The following ZNF91 variants were observed in gnomAD, a reference collection of about 807,000 sequenced individuals.
The protein encoded by ZNF91 is zinc finger protein 91, also known as zinc finger protein 91 (HPF7, HTF10).
A neutral mutation model predicts 12.6 loss-of-function variants in ZNF91; 7 were observed. The ratio of observed to expected loss-of-function variants is 0.55; its 90% CI spans 0.31 to 1.04. The LOEUF is 1.04. Ranked by LOEUF, ZNF91 falls within the 50% of genes least tolerant of loss-of-function variation. The probability of loss-of-function intolerance (pLI) is 0.05; values close to 1 mark genes in which losing one functional copy is unlikely to be tolerated. For synonymous variants in ZNF91, 453 were observed against 462.6 expected, an observed-to-expected ratio of 0.98 and a Z score of 0.27; for missense variants, 1,217 against 1,385.4, an observed-to-expected ratio of 0.88 and a Z score of 1.93.
downstream of ZNF91, among the ~76,000 whole-genome samples, chr19:23,356,371 C>T (rs1968487212): frequency 6.6e-6 from 1 of 151,962 alleles, no homozygotes; most frequent in Non-Finnish European, 1.5e-5. Flanking sequence ...TATATACACA[C>T]ACATGCACAC....
intron 3 of ZNF91, among the ~76,000 whole-genome samples, chr19:23,345,098 G>C (rs561273276): frequency 2.0e-5 from 3 of 152,328 alleles, no homozygotes; most frequent in Admixed American, 2.0e-4. Flanking sequence ...CCAGGCACTT[G>C]CTGATCTTTT....
chr19:23,374,916 C>T (rs905059415), intron 1 of ZNF91, 152 bp from the exon 2 acceptor site: 5 of 1,296,694 alleles, frequency 3.9e-6, no homozygotes, highest in Non-Finnish European at 5.3e-6. Context: ...AACACACAAA[C>T]GTTTTGTAAT....
At chr19:23,379,063 C>A (rs1476614169) in intron 1 of ZNF91, among the ~76,000 whole-genome samples, 2 of 152,188 alleles carry the variant, frequency 1.3e-5, no homozygotes, top group African/African-American at 4.8e-5. Context: ...GTCAGCCTGA[C>A]ACAATTCTGT....
downstream of ZNF91, among the ~76,000 whole-genome samples, chr19:23,335,205 C>A (rs888713371): frequency 1.3e-5 from 2 of 152,136 alleles, no homozygotes. Flanking sequence ...CAGAGGGGCA[C>A]CCGGCTGTAT....
intron 1 of ZNF91, among the ~76,000 whole-genome samples, chr19:23,382,426 A>G (rs1006319922): frequency 1.3e-5 from 2 of 152,220 alleles, no homozygotes; most frequent in African/African-American, 4.8e-5. Flanking sequence ...AGACACAATA[A>G]TAGTGGGAGA....
At chr19:23,366,593 G>A (rs1203406468) in intron 3 of ZNF91, among the ~76,000 whole-genome samples, 1 of 152,212 alleles carries the variant, frequency 6.6e-6, no homozygotes, top group Non-Finnish European at 1.5e-5. Flanking sequence ...TGCTTCTGGT[G>A]AGAGTGTCAG....
chr19:23,383,626 T>G (rs1254310132), intron 1 of ZNF91, among the ~76,000 whole-genome samples: 1 of 151,580 alleles, frequency 6.6e-6, no homozygotes, highest in East Asian at 1.9e-4. Context: ...AGGCAGAGGC[T>G]GCAGTTGGCC....
chr19:23,340,903 TCAAA>T (rs1044004967), intron 3 of ZNF91, among the ~76,000 whole-genome samples: 13 of 151,436 alleles, frequency 8.6e-5, no homozygotes, highest in Non-Finnish European at 1.6e-4. Context: ...TACAAATAAC[TCAAA>T]CAACTCAAAA....
intron 3 of ZNF91, among the ~76,000 whole-genome samples, chr19:23,373,367 T>TATATAC (rs1969365305): frequency 7.7e-6 from 1 of 129,824 alleles, no homozygotes; most frequent in African/African-American, 2.7e-5. Context: ...TATATATATA[T>TATATAC]ATATATATAT....
At position 23,323,657 on chromosome 19, in the gene ZNF91, TCCTTTC is replaced by T. The variant is rs559238919; in HGVS notation, n.117-14566_117-14561del. ...TCCTCCTTCTCTTCTCCTCTCCTCCTCCTTTCCTCTTCTCTCCTCCTCCTCTACTTC... is the reference window on the plus strand; with the variant it reads ...TCCTCCTTCTCTTCTCCTCTCCTCCTCTCTTCTCTCCTCCTCCTCTACTTC... On this transcript the variant is annotated intron_variant and non_coding_transcript_variant, in intron 1 of 1. Transcript: ENST00000596528. Among the ~76,000 whole-genome samples the T allele has an allele frequency of 2.0e-3, 269 of 136,496 alleles. 1 individual carries two copies. In the East Asian group the frequency reaches 0.035, roughly 18 times the overall value. 89.5% of individuals were successfully genotyped at this position (136,496 alleles called of 152,430 possible).
intron 1 of ZNF91, among the ~76,000 whole-genome samples, chr19:23,316,012 G>C (rs1025042866): frequency 3.3e-5 from 5 of 152,194 alleles, no homozygotes; most frequent in Middle Eastern, 3.4e-3. Flanking sequence ...TCAACAAGTA[G>C]GTGATGCGAC....
intron 1 of ZNF91, among the ~76,000 whole-genome samples, chr19:23,386,560 A>T (rs1360484152): frequency 6.6e-6 from 1 of 152,212 alleles, no homozygotes; most frequent in Non-Finnish European, 1.5e-5. Flanking sequence ...TGTGGAAAGA[A>T]TTCCCTATTT....
intron 1 of ZNF91, among the ~76,000 whole-genome samples, chr19:23,390,908 T>G (rs1395393378): frequency 6.6e-6 from 1 of 152,238 alleles, no homozygotes; most frequent in Non-Finnish European, 1.5e-5. Flanking sequence ...AGTCTACCAT[T>G]GATAGGCATT....
At chr19:23,328,523 A>C (rs941115913) in intron 1 of ZNF91, 1 of 152,204 alleles carries the variant, frequency 6.6e-6, no homozygotes, top group Non-Finnish European at 1.5e-5. Flanking sequence ...GGAATGATGA[A>C]GTAGATAGGG....
At chr19:23,379,099 G>C (rs1450450726) in intron 1 of ZNF91, among the ~76,000 whole-genome samples, 1 of 152,192 alleles carries the variant, frequency 6.6e-6, no homozygotes, top group Non-Finnish European at 1.5e-5. Context: ...ATGTCTCAAA[G>C]ATACCTAGGT....
At chr19:23,313,554 C>A (rs1431254363), upstream of ZNF91, among the ~76,000 whole-genome samples, 3 of 152,150 alleles carry the variant, frequency 2.0e-5, no homozygotes, top group East Asian at 5.8e-4. Context: ...GGCTTGGCAT[C>A]CAGGTGAGGT....
intron 3 of ZNF91, among the ~76,000 whole-genome samples, chr19:23,372,029 T>A: frequency 6.6e-6 from 1 of 152,226 alleles, no homozygotes; most frequent in Non-Finnish European, 1.5e-5. Context: ...ATTATGTTAT[T>A]ATTTAGTTAC....
chr19:23,325,476 T>C (rs938059077), intron 1 of ZNF91: 5 of 152,154 alleles, frequency 3.3e-5, no homozygotes, highest in Non-Finnish European at 7.3e-5. Context: ...CTGACAACTC[T>C]AACTCTATAT....
chr19:23,354,418 C>G (rs1400993417), downstream of ZNF91, among the ~76,000 whole-genome samples: 1 of 152,040 alleles, frequency 6.6e-6, no homozygotes, highest in South Asian at 2.1e-4. Flanking sequence ...ATTTAGCATC[C>G]CTTTATGATT....
Sources: allele counts gnomAD v4.1 joint callset (sites outside exome capture counted in the v4.1 genomes callset), GRCh38; gene constraint gnomAD v4.1.1; transcripts MANE v1.5; gene names NCBI Gene and HGNC (gene_info 2026-07-23, HGNC 2026-07-21).